Variants in MROH1 observed in about 807,000 individuals in gnomAD.
The protein encoded by MROH1 is maestro heat like repeat family member 1, also known as maestro heat-like repeat-containing protein family member 1.
MROH1 carries 117 observed loss-of-function variants against 116.5 expected under a neutral mutation model. That is an observed-to-expected ratio of 1.00 (90% CI 0.86 to 1.17). The LOEUF is 1.17. Among genes scored for constraint, MROH1 ranks in the 50% most tolerant of loss-of-function variants. The pLI, the probability that MROH1 is intolerant of heterozygous loss-of-function variation, is 0.00. For synonymous variants in MROH1, 921 were observed against 583.9 expected, an observed-to-expected ratio of 1.58 and a Z score of -8.32; for missense variants, 1,873 against 1,338.5, an observed-to-expected ratio of 1.40 and a Z score of -6.23.
intron 12 of MROH1, among the ~76,000 whole-genome samples, chr8:144,209,747 AAAAAT>A (rs1391478167): frequency 1.3e-5 from 2 of 151,664 alleles, no homozygotes; most frequent in Non-Finnish European, 2.9e-5. Context: ...TGTCTCTACT[AAAAAT>A]AAAAAAAGCC....
Position 144,250,268 on chromosome 8 carries a change from C to T in MROH1, c.3330C>T (p.His1110=), listed in dbSNP as rs1244248978. The T allele has an allele frequency of 1.3e-5, 10 of 767,508 alleles. No homozygotes were observed. The highest frequency in any genetic ancestry group is 4.1e-5 in the South Asian group (3 of 73,400). The allele number at this position is 767,508 out of a possible 1,614,324, so 47.5% of individuals were successfully genotyped here. Residue 1110 remains histidine (H), a synonymous_variant, in exon 33 of 44, where the codon CAC becomes CAT. Coordinates refer to ENST00000326134, the MANE Select transcript of MROH1 (RefSeq NM_032450.3). ...AGCTTCAGGAGGCCCAGGGAGAGCA[C>T]GTCCTGCCGGCCGCCCAGCACAGCG... The part of the protein sequence containing the change: ...RSKLQEAQGE[H]VLPAAQHSVY...
Position 144,154,311 on chromosome 8 carries a change from G to A in MROH1, c.-177+6235G>A, listed in dbSNP as rs917687669. On this transcript the variant is annotated intron_variant, in intron 1 of 43. Transcript: ENST00000326134. Reference sequence around the variant, plus strand: ...TCAAACTCTTGACCTCAAGTGATCCGCAGCTATAGACCTCAGTCTATGGTA... The same window carrying A: ...TCAAACTCTTGACCTCAAGTGATCCACAGCTATAGACCTCAGTCTATGGTA... Among the ~76,000 whole-genome samples the A allele has an allele frequency of 3.3e-5, 5 of 152,240 alleles. No individual in the cohort carries two copies. In the East Asian group the frequency reaches 9.7e-4, roughly 29 times the overall value.
intron 14 of MROH1, among the ~76,000 whole-genome samples, chr8:144,234,498 G>GTTTTTGTTTTT (rs1839621583): frequency 1.7e-4 from 3 of 18,090 alleles, no homozygotes; most frequent in Non-Finnish European, 2.5e-4. Context: ...TTTCTTTTTC[G>GTTTTTGTTTTT]TTTTTTTTTT....
At chr8:144,169,138 T>C (rs1821769003) in intron 4 of MROH1, among the ~76,000 whole-genome samples, 1 of 152,262 alleles carries the variant, frequency 6.6e-6, no homozygotes. Context: ...TTGAAACTGT[T>C]ATGCACGCTT....
intron 14 of MROH1, among the ~76,000 whole-genome samples, chr8:144,235,920 GT>G (rs1392534635): frequency 6.6e-6 from 1 of 152,144 alleles, no homozygotes; most frequent in African/African-American, 2.4e-5. Context: ...TAAATATCTT[GT>G]TTATTTCCTA....
At chr8:144,243,809 G>A (rs1841415686) in intron 25 of MROH1, 54 bp from the exon 26 acceptor site, 1 of 752,358 alleles carries the variant, frequency 1.3e-6, no homozygotes, top group African/African-American at 1.7e-5. Flanking sequence ...GCTTGACCAG[G>A]GAGGAGAGCT....
chr8:144,180,673 G>A lies in MROH1; in HGVS notation c.562+150G>A. On this transcript the variant is annotated intron_variant, in intron 7 of 43. Coordinates refer to ENST00000326134, the MANE Select transcript of MROH1 (RefSeq NM_032450.3). The surrounding 1 kb of genome is among the most constrained non-coding windows in gnomAD (Gnocchi z 7.4). The stretch of plus-strand genomic sequence containing the variant: ...AGGGGCCCCCTGGCTGAGGCTGCTG[G>A]CTGGTTGGGGGGCCCATGTGGGGCT... 1 of 702,256 alleles carries A rather than the reference G, an allele frequency of 1.4e-6. No individual in the cohort carries two copies. The highest frequency in any genetic ancestry group is 2.3e-6 in the Non-Finnish European group (1 of 426,652). 43.5% of individuals were successfully genotyped at this position (702,256 alleles called of 1,614,324 possible). A position where few individuals can be genotyped will look rare whatever the true frequency, so the allele number is the denominator to read the frequency against.
chr8:144,252,712 A>T (rs1177476680), intron 33 of MROH1: 3 of 150,708 alleles, frequency 2.0e-5, no homozygotes, highest in African/African-American at 7.3e-5. Context: ...CACGCCTATA[A>T]TCCCGACACT....
intron 5 of MROH1, among the ~76,000 whole-genome samples, 187 bp downstream of exon 5, chr8:144,179,773 G>T (rs1825079843): frequency 1.3e-5 from 2 of 152,200 alleles, no homozygotes; most frequent in South Asian, 4.1e-4. Context: ...GATTTTCAGA[G>T]GCAGCAACTG....
intron 10 of MROH1, among the ~76,000 whole-genome samples, chr8:144,197,729 C>T (rs1178931362): frequency 6.7e-6 from 1 of 148,860 alleles, no homozygotes; most frequent in African/African-American, 2.5e-5. Flanking sequence ...GCCACTGCAC[C>T]CAGCCAACTG....
Position 144,244,068 on chromosome 8 carries a change from G to C in MROH1, c.2555+126G>C, listed in dbSNP as rs1244041576. ...TGTGCCTGTGCTTGCGTGTGTGCAC[G>C]CCTTGTGTGTGCGCATGCTGCATGG... On this transcript the variant is annotated intron_variant, in intron 26 of 43. Coordinates refer to ENST00000326134, the MANE Select transcript of MROH1 (RefSeq NM_032450.3). 7.1e-6 allele frequency: 5 copies of C among 708,402 alleles called. No individual in the cohort carries two copies. In the African/African-American group the frequency reaches 8.7e-5, roughly 12 times the overall value. The allele number at this position is 708,402 out of a possible 1,614,324, so 43.9% of individuals were successfully genotyped here.
Position 144,223,198 on chromosome 8 carries a change from G to A in MROH1, c.1306G>A (p.Val436Met), listed in dbSNP as rs199559993. Reference protein sequence around the residue: ...PGGEAMIEYIVQQCALPPEQE... With the variant: ...PGGEAMIEYIMQQCALPPEQE... ...AGGTGAGGCGATGATCGAGTACATC[G>A]TGCAGCAGTGCGCGCTGCCCCCCGA... Residue 436 changes from valine to methionine, a missense_variant, in exon 14 of 44, where the codon GTG becomes ATG. Physicochemically the swap from Val to Met is conservative, Grantham distance 21. Coordinates refer to ENST00000326134, the MANE Select transcript of MROH1 (RefSeq NM_032450.3). The A allele has an allele frequency of 5.0e-4, 798 of 1,610,178 alleles. 1 individual carries two copies. The highest frequency in any genetic ancestry group is 6.5e-4 in the Non-Finnish European group (768 of 1,178,536).
chr8:144,248,901 G>C lies in MROH1; in HGVS notation c.3145G>C (p.Asp1049His), dbSNP rs1842366608. 1 of 778,776 alleles carries C rather than the reference G, an allele frequency of 1.3e-6. No individual in the cohort carries two copies. The highest frequency in any genetic ancestry group is 1.7e-5 in the Admixed American group (1 of 58,826). The allele number at this position is 778,776 out of a possible 1,614,324, so 48.2% of individuals were successfully genotyped here. A position where few individuals can be genotyped will look rare whatever the true frequency, so the allele number is the denominator to read the frequency against. Residue 1049 changes from aspartate (D) to histidine (H), a missense_variant, in exon 32 of 44, where the codon GAC (aspartate) becomes CAC (histidine). Transcript: ENST00000326134. Reference protein sequence around the residue: ...GQIIAKRLPPDQLISLLLTMF... With the variant: ...GQIIAKRLPPHQLISLLLTMF... Reference sequence around the variant, plus strand: ...GATTATTGCCAAGCGCCTCCCCCCAGACCAGCTCATCAGCCTCTTGCTAAC... The same window carrying C: ...GATTATTGCCAAGCGCCTCCCCCCACACCAGCTCATCAGCCTCTTGCTAAC...
intron 14 of MROH1, among the ~76,000 whole-genome samples, chr8:144,231,680 A>G (rs1838918640): frequency 6.6e-6 from 1 of 152,204 alleles, no homozygotes; most frequent in African/African-American, 2.4e-5. Flanking sequence ...TCACAGATAT[A>G]ATATTAATGA....
intron 14 of MROH1, among the ~76,000 whole-genome samples, chr8:144,228,742 G>A (rs1838274273): frequency 6.6e-6 from 1 of 152,190 alleles, no homozygotes; most frequent in East Asian, 1.9e-4. Context: ...GATTACAGGC[G>A]TAAGCCACTG....
chr8:144,242,883 T>G, intron 24 of MROH1, among the ~76,000 whole-genome samples: 1 of 151,890 alleles, frequency 6.6e-6, no homozygotes, highest in East Asian at 2.0e-4. Context: ...CCCAGGGAGT[T>G]CAGCCAGCCC....
chr8:144,226,363 T>C lies in MROH1; in HGVS notation c.1338+3133T>C, dbSNP rs139259433. Among the ~76,000 whole-genome samples the C allele has an allele frequency of 8.2e-3, 1,246 of 152,342 alleles. 10 individuals are homozygous for C. The highest frequency in any genetic ancestry group is 0.027 in the African/African-American group (1,140 of 41,574). On this transcript the variant is annotated intron_variant, in intron 14 of 43. Coordinates refer to ENST00000326134, the MANE Select transcript of MROH1 (RefSeq NM_032450.3). ...GCATCTTCGTCGAAAATCAGGCAACTGTATGGATTCTCTCTAACGCTCCAG... is the reference window on the plus strand; with the variant it reads ...GCATCTTCGTCGAAAATCAGGCAACCGTATGGATTCTCTCTAACGCTCCAG...
chr8:144,197,916 A>T (rs1206094839), intron 10 of MROH1, among the ~76,000 whole-genome samples: 3 of 150,774 alleles, frequency 2.0e-5, no homozygotes, highest in African/African-American at 7.3e-5. Flanking sequence ...TCTATTAAAA[A>T]TACAAAAATT....
At chr8:144,246,295 G>T (rs1841917020) in intron 29 of MROH1, among the ~76,000 whole-genome samples, 2 of 151,756 alleles carry the variant, frequency 1.3e-5, no homozygotes, top group South Asian at 4.2e-4. Flanking sequence ...TTTTAGTAGA[G>T]ATGGGGTTTC....
Sources: allele counts gnomAD v4.1 joint callset (sites outside exome capture counted in the v4.1 genomes callset), GRCh38; gene constraint gnomAD v4.1.1; non-coding constraint Gnocchi (gnomAD v3.1); transcripts MANE v1.5; gene names NCBI Gene and HGNC (gene_info 2026-07-23, HGNC 2026-07-21).